Variants in NTRK3 observed in about 807,000 individuals in gnomAD.
The protein encoded by NTRK3 is NT-3 growth factor receptor.
A neutral mutation model predicts 91.7 loss-of-function variants in NTRK3; 24 were observed. The observed-to-expected ratio is 0.26, with a 90% CI of 0.19 to 0.37. The LOEUF (loss-of-function observed/expected upper bound fraction) is 0.37. Ranked by LOEUF, NTRK3 falls within the 10% of genes least tolerant of loss-of-function variation. The probability of loss-of-function intolerance (pLI) is 1.00; values close to 1 mark genes in which losing one functional copy is unlikely to be tolerated. For synonymous variants in NTRK3, 483 were observed against 404.0 expected, an observed-to-expected ratio of 1.20 and a Z score of -2.34; for missense variants, 880 against 1,068.9, an observed-to-expected ratio of 0.82 and a Z score of 2.46.
rs528698912 is a variant in NTRK3 at position 88,240,623 on chromosome 15, T to G, written c.248+15283A>C. Among the ~76,000 whole-genome samples, 17 of 152,260 alleles carry G rather than the reference T, an allele frequency of 1.1e-4. 1 individual carries two copies. In the South Asian group the frequency reaches 3.5e-3, roughly 32 times the overall value. ...CCTGGCTCTGGAGACAAACCTCAGC[T>G]CTGCCACTTCCTAGCAGAACCACCT... On this transcript the variant is annotated intron_variant, in intron 3 of 18. Coordinates refer to ENST00000394480, the Ensembl canonical transcript of NTRK3. This position sits in a 1 kb window ranked among gnomAD's most constrained non-coding sequence, Gnocchi z 4.9.
chr15:87,952,285 A>C (rs1017503174), intron 14 of NTRK3, among the ~76,000 whole-genome samples: 2 of 151,660 alleles, frequency 1.3e-5, no homozygotes, highest in African/African-American at 4.8e-5. Context: ...AGAAAGAAAG[A>C]AAAGAAAGAC....
chr15:88,046,015 T>C (rs189183133), intron 13 of NTRK3, among the ~76,000 whole-genome samples: 1 of 152,346 alleles, frequency 6.6e-6, no homozygotes, highest in African/African-American at 2.4e-5. Flanking sequence ...ACATATCTTT[T>C]TGCAGGACAC....
chr15:87,919,305 G>A (rs756483980), intron 17 of NTRK3, among the ~76,000 whole-genome samples: 1 of 152,084 alleles, frequency 6.6e-6, no homozygotes, highest in Non-Finnish European at 1.5e-5. Flanking sequence ...ACAAAAATGG[G>A]AGGGCACTTC....
intron 14 of NTRK3, among the ~76,000 whole-genome samples, chr15:88,032,464 A>G (rs1439188927): frequency 6.6e-6 from 1 of 151,894 alleles, no homozygotes; most frequent in Non-Finnish European, 1.5e-5. Context: ...CCCCTCATGG[A>G]GGCTTGGGTG....
At chr15:88,085,767 T>C (rs965858780) in intron 13 of NTRK3, among the ~76,000 whole-genome samples, 1 of 152,208 alleles carries the variant, frequency 6.6e-6, no homozygotes, top group African/African-American at 2.4e-5. Flanking sequence ...TCTTGCCCTA[T>C]AAAACTGGGC....
chr15:88,038,221 C>A (rs752113928), intron 13 of NTRK3, among the ~76,000 whole-genome samples: 23,058 of 152,160 alleles, frequency 0.15, 2,491 homozygotes, highest in African/African-American at 0.31. Flanking sequence ...ATCATGTCTT[C>A]TGATGTATGT....
At chr15:88,161,534 T>C (rs2044455935) in intron 5 of NTRK3, among the ~76,000 whole-genome samples, 1 of 152,188 alleles carries the variant, frequency 6.6e-6, no homozygotes, top group Admixed American at 6.5e-5. Flanking sequence ...TTCTGGTCAC[T>C]GAGAGGGGAA....
chr15:88,059,004 A>C (rs1003566418), intron 13 of NTRK3, among the ~76,000 whole-genome samples: 83 of 152,216 alleles, frequency 5.5e-4, no homozygotes, highest in African/African-American at 1.8e-3. Context: ...AGAAACATGG[A>C]AAGCCCACAG....
intron 3 of NTRK3, among the ~76,000 whole-genome samples, chr15:88,230,908 C>T (rs1011581857): frequency 6.6e-5 from 10 of 152,340 alleles, no homozygotes; most frequent in East Asian, 1.9e-4. Flanking sequence ...AGTTGGTTGA[C>T]GCCCATGGAG....
At chr15:88,012,611 C>T (rs938615477) in intron 14 of NTRK3, among the ~76,000 whole-genome samples, 4 of 152,230 alleles carry the variant, frequency 2.6e-5, no homozygotes, top group Non-Finnish European at 5.9e-5. Context: ...TTTATTTGTG[C>T]TCCTAACACC....
At chr15:88,188,398 T>C (rs118145615) in intron 3 of NTRK3, among the ~76,000 whole-genome samples, 3,464 of 151,988 alleles carry the variant, frequency 0.023, 64 homozygotes, top group Non-Finnish European at 0.035. Flanking sequence ...GGAAAGAGAG[T>C]AACAATGGCC....
intron 5 of NTRK3, among the ~76,000 whole-genome samples, chr15:88,148,431 C>T (rs754880037): frequency 6.6e-5 from 10 of 152,058 alleles, no homozygotes; most frequent in Non-Finnish European, 1.2e-4. Context: ...GTAACTGATA[C>T]AGGAGTGCGG....
chr15:88,046,805 T>C (rs1161338892), intron 13 of NTRK3, among the ~76,000 whole-genome samples: 1 of 152,136 alleles, frequency 6.6e-6, no homozygotes, highest in Non-Finnish European at 1.5e-5. Context: ...GCCATAAAAA[T>C]GATATAAGCA....
intron 5 of NTRK3, among the ~76,000 whole-genome samples, chr15:88,169,623 T>C (rs1405477097): frequency 6.6e-6 from 1 of 152,174 alleles, no homozygotes; most frequent in Non-Finnish European, 1.5e-5. Context: ...AATCAAAGAT[T>C]CCAACCCTTT....
At chr15:88,246,443 TG>T (rs1413336763) in intron 3 of NTRK3, among the ~76,000 whole-genome samples, 1 of 151,966 alleles carries the variant, frequency 6.6e-6, no homozygotes, top group African/African-American at 2.4e-5. Flanking sequence ...CTTGGGTTGG[TG>T]GGGGCAGGGA....
intron 10 of NTRK3, 133 bp from the exon 11 acceptor site, chr15:88,128,867 A>C: frequency 2.5e-6 from 2 of 804,444 alleles, no homozygotes; most frequent in Non-Finnish European, 2.2e-6. Context: ...ACAAACTAAA[A>C]TGCATGGCAC....
At chr15:87,947,169 G>T (rs575757153) in intron 14 of NTRK3, among the ~76,000 whole-genome samples, 1 of 152,136 alleles carries the variant, frequency 6.6e-6, no homozygotes, top group East Asian at 1.9e-4. Context: ...ATCAGCCACC[G>T]TGCCCGGCCC....
At chr15:88,107,407 C>T (rs982798286) in intron 13 of NTRK3, among the ~76,000 whole-genome samples, 1 of 152,224 alleles carries the variant, frequency 6.6e-6, no homozygotes, top group African/African-American at 2.4e-5. Flanking sequence ...CACATTACTG[C>T]ACTCCAGCCT....
At chr15:87,959,819 G>A (rs1360277502) in intron 14 of NTRK3, among the ~76,000 whole-genome samples, 3 of 152,152 alleles carry the variant, frequency 2.0e-5, no homozygotes, top group Admixed American at 6.5e-5. Context: ...TCATGGGAAC[G>A]GCTAAGAGGG....
Sources: gnomAD v4.1 joint callset for allele counts (sites outside exome capture counted in the v4.1 genomes callset) on GRCh38, gnomAD v4.1.1 for gene constraint, Gnocchi (gnomAD v3.1) non-coding constraint, MANE v1.5 for transcripts, NCBI Gene and HGNC (gene_info 2026-07-23, HGNC 2026-07-21) for gene names.